The following SYF2 variants were observed in gnomAD, a reference collection of about 807,000 sequenced individuals.
SYF2 encodes SYF2 pre-mRNA splicing factor, also known as pre-mRNA-splicing factor SYF2.
A neutral mutation model predicts 32.7 loss-of-function variants in SYF2; 21 were observed. The observed-to-expected ratio is 0.64, with a 90% confidence interval of 0.45 to 0.92. The LOEUF (loss-of-function observed/expected upper bound fraction) is 0.92. SYF2 is among the 40% of genes least tolerant of loss of function. The pLI, the probability that SYF2 is intolerant of heterozygous loss-of-function variation, is 0.00. For synonymous variants in SYF2, 114 were observed against 103.9 expected, an observed-to-expected ratio of 1.10 and a Z score of -0.59; for missense variants, 278 against 296.5, an observed-to-expected ratio of 0.94 and a Z score of 0.46.
intron 5 of SYF2, among the ~76,000 whole-genome samples, chr1:25,226,872 T>A (rs1386018714): frequency 6.6e-6 from 1 of 151,816 alleles, no homozygotes; most frequent in East Asian, 1.9e-4. Context: ...TCCTAGCTAC[T>A]GGGGAGGCTG....
intron 5 of SYF2, 141 bp from the exon 6 acceptor site, chr1:25,225,241 A>G: frequency 1.6e-6 from 1 of 639,150 alleles, no homozygotes; most frequent in South Asian, 1.9e-5. Context: ...TTAAAAAAAC[A>G]TACAGGCTGG....
chr1:25,225,137 T>C, intron 5 of SYF2, 37 bp from the exon 6 acceptor site: 1 of 1,348,344 alleles, frequency 7.4e-7, no homozygotes, highest in Non-Finnish European at 1.1e-6. Context: ...AGTAACACTA[T>C]AAATGCTCCA....
intron 6 of SYF2, among the ~76,000 whole-genome samples, chr1:25,224,014 C>T (rs1190695357): frequency 5.3e-5 from 8 of 151,988 alleles, no homozygotes; most frequent in Non-Finnish European, 1.0e-4. Context: ...GTCAACATGA[C>T]GAAACCCCGT....
chr1:25,222,489 T>C lies in SYF2; in HGVS notation c.*777A>G, dbSNP rs1638427267. Among the ~76,000 whole-genome samples the C allele has an allele frequency of 6.6e-6, 1 of 151,858 alleles. No individual in the cohort carries two copies. The highest frequency in any genetic ancestry group is 1.5e-5 in the Non-Finnish European group (1 of 68,006). On this transcript the variant is annotated 3_prime_UTR_variant, in exon 7 of 7. Transcript: ENST00000236273. ...TGAAGAAAGTAAATGGAAATAAAGA[T>C]GAAGCAGGACTGGCCATGAGTTAAT...
chr1:25,232,280 C>T (rs896418672), intron 1 of SYF2, 69 bp from the exon 2 acceptor site: 14 of 1,578,726 alleles, frequency 8.9e-6, no homozygotes, highest in Non-Finnish European at 9.5e-6. Flanking sequence ...AGGCCGAGTC[C>T]CCGCCGGTCC....
intron 2 of SYF2, chr1:25,230,470 G>C (rs1342828641): frequency 6.6e-6 from 1 of 152,150 alleles, no homozygotes; most frequent in Middle Eastern, 3.2e-3. Context: ...CCAGACATGT[G>C]TTCCTTACAC....
intron 1 of SYF2, 76 bp downstream of exon 1, chr1:25,232,368 C>T: frequency 6.2e-7 from 1 of 1,611,010 alleles, no homozygotes; most frequent in Non-Finnish European, 8.5e-7. Context: ...AACTAGACTT[C>T]GCCTCCACCT....
intron 2 of SYF2, chr1:25,231,104 C>T (rs1638620947): frequency 6.6e-6 from 1 of 152,272 alleles, no homozygotes; most frequent in Non-Finnish European, 1.5e-5. Context: ...CCGCACCCGG[C>T]CCAGTATCTT....
intron 3 of SYF2, 129 bp downstream of exon 3, chr1:25,228,868 CT>C: frequency 9.0e-7 from 1 of 1,108,502 alleles, no homozygotes; most frequent in Non-Finnish European, 1.3e-6. Context: ...GCAGTTGGTA[CT>C]GAGCAGAGCC....
At chr1:25,228,760 T>A (rs980120226) in intron 3 of SYF2, among the ~76,000 whole-genome samples, 16 of 152,254 alleles carry the variant, frequency 1.1e-4, no homozygotes, top group African/African-American at 3.6e-4. Context: ...TTAACTCACT[T>A]AATTCATAAT....
Position 25,222,407 on chromosome 1 carries a change from A to G in SYF2, c.*859T>C, listed in dbSNP as rs1051572415. Among the ~76,000 whole-genome samples the G allele has an allele frequency of 2.0e-5, 3 of 152,032 alleles. No homozygotes were observed. Among genetic ancestry groups the G allele is most frequent in the African/African-American group, 7.2e-5 (3 of 41,404 alleles). On this transcript the variant is annotated 3_prime_UTR_variant, in exon 7 of 7. Coordinates refer to ENST00000236273, the MANE Select transcript of SYF2 (RefSeq NM_015484.5). Reference sequence around the variant, plus strand: ...AAGTCTTTATCTTTCAGAGATACATACTAAAATAATTATAGATGAAATTAT... The same window carrying G: ...AAGTCTTTATCTTTCAGAGATACATGCTAAAATAATTATAGATGAAATTAT...
rs765807666 is a variant in SYF2, at chr1:25,232,432, G to T, written c.24+12C>A. 1.9e-6 allele frequency: 3 copies of T among 1,614,178 alleles called. No homozygotes were observed. Among genetic ancestry groups the T allele is most frequent in the Non-Finnish European group, 2.5e-6 (3 of 1,180,042 alleles). On this transcript the variant is annotated intron_variant, in intron 1 of 6. Coordinates refer to ENST00000236273, the MANE Select transcript of SYF2 (RefSeq NM_015484.5). ...CCAACAAAACCCCCGGTGTACGGTG[G>T]GTGGAACTCACCTCGGATGCAGCTA...
At chr1:25,227,995 G>A (rs1638546645) in intron 4 of SYF2, 123 bp downstream of exon 4, 2 of 713,918 alleles carry the variant, frequency 2.8e-6, no homozygotes, top group Admixed American at 2.4e-5. Flanking sequence ...TACTTTTCTT[G>A]GTCTTAAGCC....
chr1:25,231,967 C>T lies in SYF2; in HGVS notation c.132+137G>A, dbSNP rs755347082. On this transcript the variant is annotated intron_variant, in intron 2 of 6. Coordinates refer to ENST00000236273, the MANE Select transcript of SYF2 (RefSeq NM_015484.5). ...AATGTGCTGCCAGGGTTGAGTACCA[C>T]CGAACAGAGCTTTCCTCTCAGATGA... 8 of 887,564 alleles carry T rather than the reference C, an allele frequency of 9.0e-6. No homozygotes were observed. In the Admixed American group the frequency reaches 1.6e-4, roughly 18 times the overall value. 55.0% of individuals were successfully genotyped at this position (887,564 alleles called of 1,614,324 possible).
intron 2 of SYF2, 183 bp downstream of exon 2, chr1:25,231,921 A>G: frequency 1.4e-6 from 1 of 692,222 alleles, no homozygotes; most frequent in South Asian, 1.6e-5. Context: ...TTATATTTTC[A>G]AATGTTCTCA....
intron 3 of SYF2, among the ~76,000 whole-genome samples, 162 bp from the exon 4 acceptor site, chr1:25,228,397 C>T (rs1007189363): frequency 1.3e-5 from 2 of 152,180 alleles, no homozygotes; most frequent in African/African-American, 2.4e-5. Flanking sequence ...TGCAGTGGCG[C>T]GATCTCAGCT....
chr1:25,230,782 T>C (rs1196204891), intron 2 of SYF2: 1 of 151,590 alleles, frequency 6.6e-6, no homozygotes, highest in East Asian at 1.9e-4. Context: ...TTGGGTACTG[T>C]CAGAAAGCAG....
In SYF2 at chr1:25,229,032, A is replaced by C. The variant is rs1159075502; in HGVS notation, c.224T>G (p.Leu75Trp). Reference sequence around the variant, plus strand: ...TTCCTCTTCCTTTAGTTCCCACTCCAAACGAGCTTTTTTGGCTTCCCAATT... The same window carrying C: ...TTCCTCTTCCTTTAGTTCCCACTCCCAACGAGCTTTTTTGGCTTCCCAATT... Reference protein sequence around the residue: ...PANWEAKKARLEWELKEEEKK... With the variant: ...PANWEAKKARWEWELKEEEKK... The change falls in exon 3 of 7, where the codon TTG (leucine) becomes TGG (tryptophan). Residue 75 changes from leucine to tryptophan, a missense_variant. Leu to Trp is a moderately conservative substitution (Grantham distance 61). Coordinates refer to ENST00000236273, the MANE Select transcript of SYF2 (RefSeq NM_015484.5). 3.1e-6 allele frequency: 5 copies of C among 1,614,046 alleles called. No homozygotes were observed. Among genetic ancestry groups the C allele is most frequent in the African/African-American group, 1.3e-5 (1 of 75,044 alleles).
chr1:25,228,634 C>A (rs1460941141), intron 3 of SYF2, among the ~76,000 whole-genome samples: 2 of 152,168 alleles, frequency 1.3e-5, no homozygotes, highest in East Asian at 1.9e-4. Context: ...CTGCACCCGG[C>A]CACTTTAATA....
Sources: allele counts gnomAD v4.1 joint callset (sites outside exome capture counted in the v4.1 genomes callset), GRCh38; gene constraint gnomAD v4.1.1; transcripts MANE v1.5; gene names NCBI Gene and HGNC (gene_info 2026-07-23, HGNC 2026-07-21).